Variants in NRXN2 observed in about 807,000 individuals in gnomAD.
The protein encoded by NRXN2 is neurexin-2-beta.
NRXN2 carries 29 observed loss-of-function variants against 128.8 expected under a neutral mutation model. The observed-to-expected ratio is 0.23, with a 90% CI of 0.17 to 0.31. NRXN2 has a LOEUF of 0.31. Among genes scored for constraint, NRXN2 ranks in the 10% least tolerant of loss-of-function variants. NRXN2 has a pLI of 1.00. For synonymous variants in NRXN2, 1,098 were observed against 1,075.2 expected, an observed-to-expected ratio of 1.02 and a Z score of -0.41; for missense variants, 1,881 against 2,452.6, an observed-to-expected ratio of 0.77 and a Z score of 4.92.
chr11:64,713,352 C>A lies in NRXN2; in HGVS notation c.348G>T (p.Leu116=). ...PVADDRWHMV[L]LTRDARRTAL... ...CCGTGCGGCGCGCGTCGCGGGTCAG[C>A]AGCACCATGTGCCAGCGGTCGTCGG... Residue 116 remains leucine (L), a synonymous_variant, in exon 2 of 23, where the codon CTG becomes CTT. Coordinates refer to ENST00000265459, the MANE Select transcript of NRXN2 (RefSeq NM_015080.4). 2 of 1,422,652 alleles carry A rather than the reference C, an allele frequency of 1.4e-6. No homozygotes were observed. The highest frequency in any genetic ancestry group is 9.1e-7 in the Non-Finnish European group (1 of 1,092,986). The allele number at this position is 1,422,652 out of a possible 1,614,324, so 88.1% of individuals were successfully genotyped here. A position where few individuals can be genotyped will look rare whatever the true frequency, so the allele number is the denominator to read the frequency against.
In NRXN2 at chr11:64,709,225, CAGAA is replaced by C. The variant is rs2056658090; in HGVS notation, c.730+3741_730+3744del. Among the ~76,000 whole-genome samples, 3 of 150,086 alleles carry C rather than the reference CAGAA, an allele frequency of 2.0e-5. No individual in the cohort carries two copies. The South Asian group carries it at 6.3e-4, about 32-fold the overall frequency. On this transcript the variant is annotated intron_variant, in intron 2 of 22. Transcript: ENST00000265459. ...AAAAAAAAAAAAAAGTCCTCAGTCTCAGAAAGAGTTGGGAACCATTCACAACAGA... is the reference window on the plus strand; with the variant it reads ...AAAAAAAAAAAAAAGTCCTCAGTCTCAGAGTTGGGAACCATTCACAACAGA...
At position 64,685,765 on chromosome 11, in the gene NRXN2, C is replaced by T. The variant is rs761904064; in HGVS notation, c.1033G>A (p.Ala345Thr). Reference protein sequence around the residue: ...DYVNLSLKSGAVWLVINLGSG... With the variant: ...DYVNLSLKSGTVWLVINLGSG... ...CCTAGGTTGATGACCAGCCAGACAG[C>T]CCCAGACTTGAGGGACAGGTTGACG... The change falls in exon 6 of 23, where the codon GCT becomes ACT. Residue 345 changes from alanine (A) to threonine (T), a missense_variant. Physicochemically the swap from Ala to Thr is moderately conservative, Grantham distance 58. Around this residue, in one of 7 missense-constraint regions of NRXN2, gnomAD observed 997 missense variants for 1,240.8 expected, o/e 0.80. Transcript: ENST00000265459. The T allele has an allele frequency of 3.1e-6, 5 of 1,614,216 alleles. No individual in the cohort carries two copies. In the South Asian group the frequency reaches 5.5e-5, roughly 18 times the overall value.
rs186326501 is a variant in NRXN2 at position 64,664,969 on chromosome 11, G to A, written c.1798+2281C>T. On this transcript the variant is annotated intron_variant, in intron 9 of 22. Coordinates refer to ENST00000265459, the MANE Select transcript of NRXN2 (RefSeq NM_015080.4). ...CACGCCACTGCACTCCAGCCTGGGC[G>A]ACAGAGAGAGACTTCGTCTCAAAAA... 3.0e-3 allele frequency among the ~76,000 whole-genome samples: 417 copies of A among 138,358 alleles called. 1 individual carries two copies. Among genetic ancestry groups the A allele is most frequent in the African/African-American group, 0.011 (394 of 36,692 alleles). 90.8% of individuals were successfully genotyped at this position (138,358 alleles called of 152,430 possible).
Position 64,653,695 on chromosome 11 carries a change from C to G in NRXN2, c.2416+1G>C, listed in dbSNP as rs750887550. 5 of 1,596,664 alleles carry G rather than the reference C, an allele frequency of 3.1e-6. No homozygotes were observed. The highest frequency in any genetic ancestry group is 3.4e-6 in the Non-Finnish European group (4 of 1,173,224). The stretch of plus-strand genomic sequence containing the variant: ...TGCAGAAGAAGAGGGAAGCCACTTA[C>G]TGGGTGCGCAGCCGACGCGCAGGCA... On this transcript the variant is annotated splice_donor_variant, in intron 12 of 22. Transcript: ENST00000265459. LOFTEE classifies it high-confidence loss of function.
Position 64,631,408 on chromosome 11 carries a change from ACT to A in NRXN2, c.3586-837_3586-836del, listed in dbSNP as rs1394844849. On this transcript the variant is annotated intron_variant, in intron 18 of 22. Transcript: ENST00000265459. The surrounding 1 kb of genome is among the most constrained non-coding windows in gnomAD (Gnocchi z 4.8). ...TCTCTGGGACCCAGGCCCACGGGAC[ACT>A]CTGCAGAGGCAACCCAGGATCAGCC... 6.6e-6 allele frequency among the ~76,000 whole-genome samples: 1 copy of A among 151,900 alleles called. No individual in the cohort carries two copies. Among genetic ancestry groups the A allele is most frequent in the East Asian group, 1.9e-4 (1 of 5,178 alleles).
In NRXN2 at chr11:64,630,271, A is replaced by G; in HGVS notation, c.3757+131T>C. On this transcript the variant is annotated intron_variant, in intron 19 of 22. Coordinates refer to ENST00000265459, the MANE Select transcript of NRXN2 (RefSeq NM_015080.4). The surrounding 1 kb of genome is among the most constrained non-coding windows in gnomAD (Gnocchi z 4.6). ...CCCGCCTCGCAAGCTTCGTCTCTCC[A>G]GTAGCCCCGCCCCAGAGCCGCTTAG... 2.4e-6 allele frequency: 2 copies of G among 840,348 alleles called. No individual in the cohort carries two copies. Among genetic ancestry groups the G allele is most frequent in the Non-Finnish European group, 3.5e-6 (2 of 564,060 alleles). The allele number at this position is 840,348 out of a possible 1,614,324, so 52.1% of individuals were successfully genotyped here. A position where few individuals can be genotyped will look rare whatever the true frequency, so the allele number is the denominator to read the frequency against.
chr11:64,652,638 G>A (rs1003053748), intron 12 of NRXN2, among the ~76,000 whole-genome samples: 6 of 152,068 alleles, frequency 3.9e-5, no homozygotes, highest in Admixed American at 6.5e-5. Context: ...ATGTAAATGC[G>A]AGCCCACAGC....
In NRXN2 at chr11:64,648,988, C is replaced by A; in HGVS notation, c.3110-81G>T. On this transcript the variant is annotated intron_variant, in intron 15 of 22. Coordinates refer to ENST00000265459, the MANE Select transcript of NRXN2 (RefSeq NM_015080.4). This position sits in a 1 kb window ranked among gnomAD's most constrained non-coding sequence, Gnocchi z 4.1. ...AATGGCATCTGGCTGTCAGGTCCTC[C>A]CAGCCTTCTCAGGTTCTCTGCGTTC... is the stretch of plus-strand genomic sequence containing the variant. The A allele has an allele frequency of 6.9e-7, 1 of 1,451,254 alleles. No homozygotes were observed. Among genetic ancestry groups the A allele is most frequent in the Non-Finnish European group, 9.6e-7 (1 of 1,036,382 alleles). 89.9% of individuals were successfully genotyped at this position (1,451,254 alleles called of 1,614,324 possible). A position where few individuals can be genotyped will look rare whatever the true frequency, so the allele number is the denominator to read the frequency against.
At position 64,668,441 on chromosome 11, in the gene NRXN2, A is replaced by C. The variant is rs370616452; in HGVS notation, c.1359+2T>G. The C allele has an allele frequency of 1.2e-6, 2 of 1,613,590 alleles. No individual in the cohort carries two copies. Among genetic ancestry groups the C allele is most frequent in the African/African-American group, 2.7e-5 (2 of 74,938 alleles). On this transcript the variant is annotated splice_donor_variant, in intron 8 of 22. Transcript: ENST00000265459. LOFTEE classifies it high-confidence loss of function. ...CTGCAGCCCCTCCCTAGCCCTACTC[A>C]CGTCCTTGAGGCAGCCCATGAAGTT...
At position 64,630,326 on chromosome 11, in the gene NRXN2, C is replaced by T; in HGVS notation, c.3757+76G>A. ...GCCCCAGAGCCGCTTAGCCCCGCCC[C>T]GGTGCGGCCGCACTCCTATCAGAGG... On this transcript the variant is annotated intron_variant, in intron 19 of 22. Coordinates refer to ENST00000265459, the MANE Select transcript of NRXN2 (RefSeq NM_015080.4). The surrounding 1 kb of genome is among the most constrained non-coding windows in gnomAD (Gnocchi z 4.6). The T allele has an allele frequency of 7.1e-7, 1 of 1,410,788 alleles. No homozygotes were observed. Among genetic ancestry groups the T allele is most frequent in the African/African-American group, 1.4e-5 (1 of 70,582 alleles). The allele number at this position is 1,410,788 out of a possible 1,614,324, so 87.4% of individuals were successfully genotyped here.
At chr11:64,703,442 G>A (rs906292887) in intron 2 of NRXN2, among the ~76,000 whole-genome samples, 2 of 152,152 alleles carry the variant, frequency 1.3e-5, no homozygotes, top group African/African-American at 4.8e-5. Context: ...CTTGGCCAAG[G>A]TCACACTGCT....
intron 17 of NRXN2, among the ~76,000 whole-genome samples, chr11:64,645,502 G>A (rs1158562547): frequency 6.6e-6 from 1 of 152,106 alleles, no homozygotes; most frequent in Non-Finnish European, 1.5e-5. Context: ...GGAGTAAGCA[G>A]GCCTGATGGG....
In NRXN2 at chr11:64,648,599, G is replaced by T; in HGVS notation, c.3283+135C>A. 8.0e-7 allele frequency: 1 copy of T among 1,248,650 alleles called. No individual in the cohort carries two copies. The highest frequency in any genetic ancestry group is 1.2e-6 in the Non-Finnish European group (1 of 861,034). 77.3% of individuals were successfully genotyped at this position (1,248,650 alleles called of 1,614,324 possible). ...ACACCTGTATCCCTGCCCCAGAACT[G>T]TGGGGGCAAGCTCCCATAAGGCCTG... On this transcript the variant is annotated intron_variant, in intron 16 of 22. Coordinates refer to ENST00000265459, the MANE Select transcript of NRXN2 (RefSeq NM_015080.4). The surrounding 1 kb of genome is among the most constrained non-coding windows in gnomAD (Gnocchi z 4.1).
At chr11:64,684,245 C>A (rs1474451176) in intron 6 of NRXN2, among the ~76,000 whole-genome samples, 4 of 152,194 alleles carry the variant, frequency 2.6e-5, no homozygotes, top group African/African-American at 9.7e-5. Flanking sequence ...CTAGAGGCAA[C>A]TCCTCTATAC....
chr11:64,677,069 G>C, intron 6 of NRXN2, 32 bp from the exon 7 acceptor site: 1 of 1,376,512 alleles, frequency 7.3e-7, no homozygotes, highest in South Asian at 1.3e-5. Context: ...ATGGGGAGGA[G>C]GGGGGTGTCA....
intron 22 of NRXN2, among the ~76,000 whole-genome samples, chr11:64,619,776 GT>G (rs919270543): frequency 7.2e-5 from 11 of 152,288 alleles, no homozygotes; most frequent in Non-Finnish European, 1.2e-4. Context: ...AGTCCTGGCA[GT>G]GTCCACTCTG....
chr11:64,643,362 AGGGGGGGGC>A, intron 17 of NRXN2: 5 of 19,502 alleles, frequency 2.6e-4, no homozygotes, highest in Non-Finnish European at 3.5e-4. Flanking sequence ...CGGCCGGGGG[AGGGGGGGGC>A]GGGAGAAGGG....
chr11:64,721,595 G>A (rs2057433559), intron 1 of NRXN2, among the ~76,000 whole-genome samples: 1 of 152,036 alleles, frequency 6.6e-6, no homozygotes, highest in African/African-American at 2.4e-5. Flanking sequence ...CAAAACAGAA[G>A]GCCTCACAGT....
At chr11:64,654,806 T>C (rs1038180924) in intron 11 of NRXN2, among the ~76,000 whole-genome samples, 2 of 152,200 alleles carry the variant, frequency 1.3e-5, no homozygotes, top group Non-Finnish European at 2.9e-5. Flanking sequence ...AGAAATCCTT[T>C]ACTGGGAAGC....
Sources: gnomAD v4.1 joint callset for allele counts (sites outside exome capture counted in the v4.1 genomes callset) on GRCh38, gnomAD v4.1.1 for gene constraint, gnomAD v4.1.1 regional missense constraint, Gnocchi (gnomAD v3.1) non-coding constraint, MANE v1.5 for transcripts, NCBI Gene and HGNC (gene_info 2026-07-23, HGNC 2026-07-21) for gene names.